The following CSMD3 variants were observed in gnomAD, a reference collection of about 807,000 sequenced individuals.
The protein encoded by CSMD3 is CUB and sushi domain-containing protein 3.
CSMD3 carries 177 observed loss-of-function variants against 435.2 expected under a neutral mutation model. That is an observed-to-expected ratio of 0.41 (90% CI 0.36 to 0.46). The LOEUF (loss-of-function observed/expected upper bound fraction) is 0.46, where lower values mean the gene tolerates loss of function less well. Ranked by LOEUF, CSMD3 falls within the 20% of genes least tolerant of loss-of-function variation. The pLI, the probability that CSMD3 is intolerant of heterozygous loss-of-function variation, is 0.34. For synonymous variants in CSMD3, 1,656 were observed against 1,520.5 expected (o/e 1.09, Z -2.07); for missense variants, 4,265 against 4,504.6 (o/e 0.95, Z 1.52).
intron 1 of CSMD3, among the ~76,000 whole-genome samples, chr8:113,323,647 G>A (rs2132719982): frequency 6.6e-6 from 1 of 152,252 alleles, no homozygotes; most frequent in Admixed American, 6.5e-5. Flanking sequence ...AGGGTCAAGA[G>A]AAATAGTGGG....
chr8:112,923,087 T>G (rs531538897), intron 9 of CSMD3, among the ~76,000 whole-genome samples: 1 of 152,232 alleles, frequency 6.6e-6, no homozygotes, highest in South Asian at 2.1e-4. Flanking sequence ...ATCCAGAATC[T>G]AACATTTTTC....
chr8:112,469,618 T>A (rs1171189079), intron 32 of CSMD3, among the ~76,000 whole-genome samples: 1 of 152,138 alleles, frequency 6.6e-6, no homozygotes, highest in East Asian at 1.9e-4. Flanking sequence ...ATCCCTCACA[T>A]GTACAGTTCA....
chr8:112,701,431 A>T (rs1308021449), intron 13 of CSMD3, among the ~76,000 whole-genome samples: 1 of 152,108 alleles, frequency 6.6e-6, no homozygotes, highest in Non-Finnish European at 1.5e-5. Flanking sequence ...TATATGTAGA[A>T]ATAGCTCAAC....
intron 1 of CSMD3, among the ~76,000 whole-genome samples, chr8:113,387,578 G>T (rs936127332): frequency 2.0e-5 from 3 of 151,612 alleles, no homozygotes; most frequent in African/African-American, 7.3e-5. Flanking sequence ...TGTATGGGAG[G>T]TTGGAGAGGA....
intron 6 of CSMD3, among the ~76,000 whole-genome samples, chr8:113,008,199 G>T (rs1395992683): frequency 6.6e-6 from 1 of 151,672 alleles, no homozygotes; most frequent in Non-Finnish European, 1.5e-5. Context: ...AGTGGTGGAG[G>T]GAAATCACAA....
intron 32 of CSMD3, among the ~76,000 whole-genome samples, chr8:112,450,136 T>C (rs62516471): frequency 0.2 from 29,791 of 152,098 alleles, 3,327 homozygotes; most frequent in Middle Eastern, 0.36. Flanking sequence ...TCTCAATAAG[T>C]CTATAAGATT....
intron 5 of CSMD3, among the ~76,000 whole-genome samples, chr8:113,059,901 T>G (rs1171873524): frequency 2.0e-5 from 3 of 152,134 alleles, no homozygotes; most frequent in African/African-American, 4.8e-5. Flanking sequence ...AGGGTAATTT[T>G]TTTTCTTTTA....
At chr8:112,496,845 CA>C (rs1178832095) in intron 30 of CSMD3, among the ~76,000 whole-genome samples, 6 of 150,156 alleles carry the variant, frequency 4.0e-5, no homozygotes, top group South Asian at 2.1e-4. Flanking sequence ...TTAATTGGTA[CA>C]AAAAAATAAT....
intron 1 of CSMD3, among the ~76,000 whole-genome samples, chr8:113,435,434 T>C (rs1284636787): frequency 6.6e-6 from 1 of 152,184 alleles, no homozygotes; most frequent in Admixed American, 6.5e-5. Flanking sequence ...TTCCACTGAA[T>C]GCAAATGAGC....
intron 5 of CSMD3, among the ~76,000 whole-genome samples, chr8:113,048,083 CTTTTTTTT>C (rs35254619): frequency 1.9e-5 from 2 of 106,940 alleles, no homozygotes; most frequent in Admixed American, 2.1e-4. Flanking sequence ...AACTTCAATT[CTTTTTTTT>C]TTTTTTTTTT....
intron 9 of CSMD3, among the ~76,000 whole-genome samples, chr8:112,941,531 A>G (rs77456993): frequency 0.034 from 5,109 of 151,904 alleles, 143 homozygotes; most frequent in Middle Eastern, 0.051. Flanking sequence ...TGCAGATCAG[A>G]GAACTATTCT....
At chr8:112,793,430 A>C (rs2078744794) in intron 13 of CSMD3, among the ~76,000 whole-genome samples, 1 of 151,886 alleles carries the variant, frequency 6.6e-6, no homozygotes, top group South Asian at 2.1e-4. Context: ...CCATGTTAAC[A>C]TATTTTTAAA....
intron 1 of CSMD3, among the ~76,000 whole-genome samples, chr8:113,316,524 G>C (rs1005102897): frequency 6.7e-6 from 1 of 148,974 alleles, no homozygotes; most frequent in Non-Finnish European, 1.5e-5. Context: ...TGCCAGGGAA[G>C]CCACTTCTCT....
chr8:112,507,496 G>C (rs1442314903), intron 28 of CSMD3, among the ~76,000 whole-genome samples: 1 of 152,160 alleles, frequency 6.6e-6, no homozygotes. Context: ...GGATGGGAGA[G>C]TGGGAAATAC....
At chr8:113,015,010 C>A (rs1205952659) in intron 6 of CSMD3, among the ~76,000 whole-genome samples, 1 of 152,092 alleles carries the variant, frequency 6.6e-6, no homozygotes, top group Non-Finnish European at 1.5e-5. Flanking sequence ...ACCTTCTGAT[C>A]CTATTCTTTA....
At chr8:112,832,356 G>A (rs999392497) in intron 11 of CSMD3, among the ~76,000 whole-genome samples, 3 of 152,040 alleles carry the variant, frequency 2.0e-5, no homozygotes, top group African/African-American at 7.2e-5. Context: ...AAAGGTGAAG[G>A]AATATTAAAG....
At position 112,341,514 on chromosome 8, in the gene CSMD3, A is replaced by G. The variant is rs767316449; in HGVS notation, c.6615T>C (p.Tyr2205=). The G allele has an allele frequency of 1.6e-5, 26 of 1,613,008 alleles. No individual in the cohort carries two copies. Among genetic ancestry groups the G allele is most frequent in the Non-Finnish European group, 2.0e-5 (24 of 1,179,210 alleles). The change falls in exon 42 of 71, where the codon TAT becomes TAC. Residue 2205 remains tyrosine (Y), a synonymous_variant. Coordinates refer to ENST00000297405, the MANE Select transcript of CSMD3 (RefSeq NM_198123.2). ...HETSLYFHSD[Y]SQNKQGFHIV... ...TATGAAACCCTTGTTTGTTTTGTGA[A>G]TAGTCACTGTGAAAATATAAGCTGG... is the stretch of plus-strand genomic sequence containing the variant.
chr8:112,831,899 C>T (rs1043662926), intron 11 of CSMD3, among the ~76,000 whole-genome samples: 1 of 152,120 alleles, frequency 6.6e-6, no homozygotes, highest in African/African-American at 2.4e-5. Context: ...CTGTGGCTCA[C>T]TCATAGTACA....
rs116194707 is a variant in CSMD3, at chr8:113,008,660, T to C, written c.1030+10407A>G. On this transcript the variant is annotated intron_variant, in intron 6 of 70. Transcript: ENST00000297405. ...TTTAACTGTTGCATCATATAAGATGTAGCTGTATTGTAGTGAAGATTTGGG... is the reference window on the plus strand; with the variant it reads ...TTTAACTGTTGCATCATATAAGATGCAGCTGTATTGTAGTGAAGATTTGGG... Among the ~76,000 whole-genome samples, 533 of 151,850 alleles carry C rather than the reference T, an allele frequency of 3.5e-3. 3 individuals carry two copies. Among genetic ancestry groups the C allele is most frequent in the African/African-American group, 0.012 (497 of 41,504 alleles).
Sources: allele counts gnomAD v4.1 joint callset (sites outside exome capture counted in the v4.1 genomes callset), GRCh38; gene constraint gnomAD v4.1.1; transcripts MANE v1.5; gene names NCBI Gene and HGNC (gene_info 2026-07-23, HGNC 2026-07-21).